Variants in STARD6 observed in about 807,000 individuals in gnomAD.
The protein encoded by STARD6 is stAR-related lipid transfer protein 6.
In STARD6, 21 loss-of-function variants were observed where a neutral mutation model predicts 22.3. That is an observed-to-expected ratio of 0.94 (90% CI 0.67 to 1.35). The LOEUF is 1.35. Among genes scored for constraint, STARD6 ranks in the 40% most tolerant of loss-of-function variants. The pLI, the probability that STARD6 is intolerant of heterozygous loss-of-function variation, is 0.00. For missense variants in STARD6, 269 were observed against 266.9 expected, an observed-to-expected ratio of 1.01 and a Z score of -0.05; for synonymous variants, 80 against 88.1, an observed-to-expected ratio of 0.91 and a Z score of 0.52.
intron 5 of STARD6, among the ~76,000 whole-genome samples, chr18:54,334,754 A>G (rs929168465): frequency 1.3e-5 from 2 of 152,028 alleles, no homozygotes; most frequent in Admixed American, 6.6e-5. Context: ...TGCCTATACT[A>G]TTATCCTACA....
At chr18:54,347,300 TTTG>T (rs1421986622) in intron 4 of STARD6, among the ~76,000 whole-genome samples, 6 of 152,230 alleles carry the variant, frequency 3.9e-5, no homozygotes, top group South Asian at 2.1e-4. Context: ...TAGCAATTAT[TTTG>T]TTATCATATC....
At chr18:54,326,124 T>G (rs572124627) in intron 7 of STARD6, among the ~76,000 whole-genome samples, 4 of 152,314 alleles carry the variant, frequency 2.6e-5, no homozygotes, top group South Asian at 4.1e-4. Context: ...AAATCGCCCT[T>G]CTCTTGCTTT....
chr18:54,352,525 T>G (rs2089107378), intron 4 of STARD6, among the ~76,000 whole-genome samples: 1 of 152,156 alleles, frequency 6.6e-6, no homozygotes, highest in African/African-American at 2.4e-5. Context: ...GTGGATTCCT[T>G]GAGGCAGAGG....
At position 54,349,300 on chromosome 18, in the gene STARD6, T is replaced by G. The variant is rs139849598; in HGVS notation, c.140+4754A>C. On this transcript the variant is annotated intron_variant, in intron 4 of 7. Coordinates refer to ENST00000307844, the MANE Select transcript of STARD6 (RefSeq NM_139171.2). ...TGACATCTTGAACATAAAAATGACA[T>G]TAGCCTTGGAAACATTTGGGGGAAT... 2.0e-4 allele frequency among the ~76,000 whole-genome samples: 30 copies of G among 152,198 alleles called. No individual in the cohort carries two copies. The East Asian group carries it at 5.6e-3, about 28-fold the overall frequency.
chr18:54,332,530 GAC>G (rs1474832797), intron 5 of STARD6, among the ~76,000 whole-genome samples: 1 of 152,166 alleles, frequency 6.6e-6, no homozygotes, highest in Non-Finnish European at 1.5e-5. Flanking sequence ...CTACCCTGTT[GAC>G]ACAAAGGCTA....
At chr18:54,330,717 T>C (rs912393763) in intron 6 of STARD6, among the ~76,000 whole-genome samples, 2 of 152,114 alleles carry the variant, frequency 1.3e-5, no homozygotes, top group Non-Finnish European at 2.9e-5. Context: ...TTACCTCTAG[T>C]TGTTGATTTT....
chr18:54,339,002 C>T (rs1005762739), intron 4 of STARD6, among the ~76,000 whole-genome samples: 13 of 117,828 alleles, frequency 1.1e-4, no homozygotes, highest in African/African-American at 4.2e-4. Flanking sequence ...GAGCCGAGAT[C>T]GTGCCACTGC....
chr18:54,347,153 A>G (rs931535100), intron 4 of STARD6, among the ~76,000 whole-genome samples: 9 of 152,134 alleles, frequency 5.9e-5, no homozygotes, highest in Non-Finnish European at 1.2e-4. Flanking sequence ...CATCTAATCT[A>G]TTGCATAAAA....
rs2088857310 is a variant in STARD6 at position 54,330,484 on chromosome 18, C to G, written c.386-1044G>C. 3.3e-5 allele frequency among the ~76,000 whole-genome samples: 5 copies of G among 152,028 alleles called. No individual in the cohort carries two copies. In the South Asian group the frequency reaches 1.0e-3, roughly 32 times the overall value. ...GATCTGAGTTTTAATTCTGGGTTAC[C>G]TACTTATTAGCTATGTAACTTACTT... On this transcript the variant is annotated intron_variant, in intron 6 of 7. Coordinates refer to ENST00000307844, the MANE Select transcript of STARD6 (RefSeq NM_139171.2).
chr18:54,350,795 G>A (rs555564716), intron 4 of STARD6, among the ~76,000 whole-genome samples: 1 of 152,188 alleles, frequency 6.6e-6, no homozygotes, highest in African/African-American at 2.4e-5. Flanking sequence ...TTGGCTGTGG[G>A]TATTTGGCTT....
intron 5 of STARD6, among the ~76,000 whole-genome samples, chr18:54,335,901 CTG>C (rs954984665): frequency 1.3e-5 from 2 of 152,162 alleles, no homozygotes; most frequent in African/African-American, 4.8e-5. Context: ...GCCTATAGAA[CTG>C]TGAGTCAATT....
At chr18:54,331,645 A>G in intron 6 of STARD6, 97 bp downstream of exon 6, 1 of 844,836 alleles carries the variant, frequency 1.2e-6, no homozygotes, top group Non-Finnish European at 1.9e-6. Context: ...AAAAGGAAAT[A>G]ATTAAAATAT....
At chr18:54,326,840 AATTTTCTTTG>A (rs1186016330) in intron 7 of STARD6, among the ~76,000 whole-genome samples, 2 of 152,054 alleles carry the variant, frequency 1.3e-5, no homozygotes, top group Non-Finnish European at 2.9e-5. Flanking sequence ...TATGTTAATA[AATTTTCTTTG>A]ATTTTCTTAA....
intron 4 of STARD6, among the ~76,000 whole-genome samples, chr18:54,342,553 G>T (rs977999411): frequency 7.4e-6 from 1 of 135,938 alleles, no homozygotes; most frequent in Admixed American, 7.1e-5. Context: ...TGCCATCTCG[G>T]CTCACTGCAA....
chr18:54,325,007 T>A, intron 7 of STARD6, 132 bp from the exon 8 acceptor site: 1 of 626,412 alleles, frequency 1.6e-6, no homozygotes, highest in Non-Finnish European at 2.4e-6. Context: ...TTAAAAATAT[T>A]AAGTGGCTAG....
intron 5 of STARD6, among the ~76,000 whole-genome samples, chr18:54,332,182 A>G (rs1002247249): frequency 1.1e-4 from 17 of 152,198 alleles, no homozygotes; most frequent in Admixed American, 2.0e-4. Context: ...CTGATTCCCC[A>G]TACAGTACTA....
At chr18:54,338,633 T>TA (rs35102950) in intron 4 of STARD6, among the ~76,000 whole-genome samples, 10,163 of 148,712 alleles carry the variant, frequency 0.068, 384 homozygotes, top group African/African-American at 0.089. Flanking sequence ...AACGTTGTTT[T>TA]AAAAAAAAAA....
intron 5 of STARD6, among the ~76,000 whole-genome samples, chr18:54,335,743 A>C (rs551579213): frequency 3.3e-5 from 5 of 152,158 alleles, no homozygotes; most frequent in African/African-American, 1.2e-4. Context: ...ATGGTTTAAA[A>C]GTGTGTGGTA....
chr18:54,327,593 G>A (rs938768749), intron 7 of STARD6, among the ~76,000 whole-genome samples: 17 of 152,136 alleles, frequency 1.1e-4, no homozygotes, highest in Middle Eastern at 3.4e-3. Context: ...TGGTATAACC[G>A]CTTTTTAAAA....
Sources: allele counts gnomAD v4.1 joint callset (sites outside exome capture counted in the v4.1 genomes callset), GRCh38; gene constraint gnomAD v4.1.1; transcripts MANE v1.5; gene names NCBI Gene and HGNC (gene_info 2026-07-23, HGNC 2026-07-21).